CCDC14: variants seen among roughly 807,000 people sequenced by gnomAD.
The protein encoded by CCDC14 is coiled-coil domain-containing protein 14.
In CCDC14, 71 loss-of-function variants were observed where a neutral mutation model predicts 81.4. That is an observed-to-expected ratio of 0.87 (90% CI 0.72 to 1.06). CCDC14 has a LOEUF of 1.06. Among genes scored for constraint, CCDC14 ranks in the 50% least tolerant of loss-of-function variants. The pLI is 0.00. For missense variants in CCDC14, 1,046 were observed against 1,047.3 expected, an observed-to-expected ratio of 1.00 and a Z score of 0.02; for synonymous variants, 332 against 364.8, an observed-to-expected ratio of 0.91 and a Z score of 1.03.
Position 123,949,018 on chromosome 3 carries a change from G to A in CCDC14, c.467C>T (p.Pro156Leu), listed in dbSNP as rs758179204. The A allele has an allele frequency of 6.2e-7, 1 of 1,613,684 alleles. No homozygotes were observed. The highest frequency in any genetic ancestry group is 1.1e-5 in the South Asian group (1 of 91,016). ...CTCACAGAGGGCTTGGTATATTATGGGTGAATACATTCTATAATGATCTTG... is the reference window on the plus strand; with the variant it reads ...CTCACAGAGGGCTTGGTATATTATGAGTGAATACATTCTATAATGATCTTG... ...SLQDHYRMYS[P>L]IIYQALCEHV... The change falls in exon 6 of 13, where the codon CCC becomes CTC. Residue 156 changes from proline (P) to leucine (L), a missense_variant. Transcript: ENST00000409697.
intron 5 of CCDC14, among the ~76,000 whole-genome samples, chr3:123,950,805 A>C (rs2036970409): frequency 1.3e-5 from 2 of 152,202 alleles, no homozygotes; most frequent in African/African-American, 4.8e-5. Context: ...TAAAAAACAA[A>C]ATAATTAAAA....
At position 123,933,775 on chromosome 3, in the gene CCDC14, C is replaced by T; in HGVS notation, c.1344-20G>A. 2 of 1,525,222 alleles carry T rather than the reference C, an allele frequency of 1.3e-6. No individual in the cohort carries two copies. The highest frequency in any genetic ancestry group is 2.4e-5 in the East Asian group (1 of 41,820). The allele number at this position is 1,525,222 out of a possible 1,614,324, so 94.5% of individuals were successfully genotyped here. A position where few individuals can be genotyped will look rare whatever the true frequency, so the allele number is the denominator to read the frequency against. ...AACTGCCTAAAGAAATAATGAAGAA[C>T]TATGAATGCAAGCATACCAAGCCAA... On this transcript the variant is annotated intron_variant, in intron 9 of 12. Transcript: ENST00000409697.
At chr3:123,960,236 T>G (rs1194760339) in intron 1 of CCDC14, among the ~76,000 whole-genome samples, 5 of 152,238 alleles carry the variant, frequency 3.3e-5, no homozygotes, top group Non-Finnish European at 5.9e-5. Context: ...TACCAACAAG[T>G]ACAAGATAAT....
intron 5 of CCDC14, among the ~76,000 whole-genome samples, chr3:123,950,591 T>C (rs962868304): frequency 6.6e-6 from 1 of 151,964 alleles, no homozygotes; most frequent in Non-Finnish European, 1.5e-5. Context: ...AAGTCACAAA[T>C]GGAAACAGAT....
rs2036641119 is a variant in CCDC14 at position 123,946,691 on chromosome 3, A to G, written c.1201+112T>C. 25 of 1,101,420 alleles carry G rather than the reference A, an allele frequency of 2.3e-5. No individual in the cohort carries two copies. The South Asian group carries it at 4.2e-4, about 18-fold the overall frequency. 68.2% of individuals were successfully genotyped at this position (1,101,420 alleles called of 1,614,324 possible). A position where few individuals can be genotyped will look rare whatever the true frequency, so the allele number is the denominator to read the frequency against. On this transcript the variant is annotated intron_variant, in intron 8 of 12. Coordinates refer to ENST00000409697, the MANE Select transcript of CCDC14 (RefSeq NM_001366335.1). The stretch of plus-strand genomic sequence containing the variant: ...GTAGAACTCATTTTCTTATTAGCTC[A>G]AAACACAGTTCTATGGAAAATACCA...
chr3:123,958,351 T>TA (rs2037469239), intron 1 of CCDC14: 2 of 152,074 alleles, frequency 1.3e-5, no homozygotes, highest in African/African-American at 4.8e-5. Context: ...ACATATGGTG[T>TA]TTCTCCAAAA....
intron 5 of CCDC14, among the ~76,000 whole-genome samples, chr3:123,905,925 C>A (rs7636648): frequency 0.45 from 68,124 of 151,992 alleles, 18,123 homozygotes; most frequent in Non-Finnish European, 0.62. Context: ...GAAGCAGGAA[C>A]AAGCAATTAT....
chr3:123,918,148 C>G (rs2034818959), intron 12 of CCDC14, among the ~76,000 whole-genome samples: 1 of 152,102 alleles, frequency 6.6e-6, no homozygotes, highest in Non-Finnish European at 1.5e-5. Flanking sequence ...AAAAAGAAAT[C>G]TCTATACTAA....
At chr3:123,886,174 G>T in the CCDC14 span, among the ~76,000 whole-genome samples, 1 of 149,098 alleles carries the variant, frequency 6.7e-6, no homozygotes, top group Non-Finnish European at 1.5e-5. Context: ...TCTCTCACTA[G>T]TGTGCAAAGA....
downstream of CCDC14, among the ~76,000 whole-genome samples, chr3:123,894,324 C>T (rs780546364): frequency 1.3e-5 from 2 of 152,160 alleles, no homozygotes; most frequent in African/African-American, 4.8e-5. Flanking sequence ...TATGTCTGTG[C>T]TTATGCCAGT....
At chr3:123,892,601 C>T (rs1242045089), downstream of CCDC14, among the ~76,000 whole-genome samples, 1 of 152,110 alleles carries the variant, frequency 6.6e-6, no homozygotes, top group East Asian at 1.9e-4. Context: ...TATGGTCAGG[C>T]TGCAAATTTT....
the CCDC14 span, among the ~76,000 whole-genome samples, chr3:123,889,506 C>G: frequency 6.6e-6 from 1 of 152,222 alleles, no homozygotes; most frequent in Admixed American, 6.5e-5. Context: ...TCTTAAAGCT[C>G]TAAAATAATC....
Position 123,914,681 on chromosome 3 carries a change from T to A in CCDC14, c.*98A>T. ...CTTGTACAATATATTACTTCACACA[T>A]AATAACATAAAACATCATTTCACTA... On this transcript the variant is annotated 3_prime_UTR_variant, in exon 13 of 13. Coordinates refer to ENST00000409697, the MANE Select transcript of CCDC14 (RefSeq NM_001366335.1). 6.9e-7 allele frequency: 1 copy of A among 1,439,718 alleles called. No homozygotes were observed. Among genetic ancestry groups the A allele is most frequent in the South Asian group, 1.6e-5 (1 of 64,368 alleles). The allele number at this position is 1,439,718 out of a possible 1,614,324, so 89.2% of individuals were successfully genotyped here.
At chr3:123,893,414 T>A (rs967301433), downstream of CCDC14, among the ~76,000 whole-genome samples, 2 of 152,244 alleles carry the variant, frequency 1.3e-5, no homozygotes, top group Non-Finnish European at 2.9e-5. Context: ...AAACTTCATT[T>A]TTTTATAGCT....
intron 12 of CCDC14, among the ~76,000 whole-genome samples, chr3:123,930,027 C>T (rs1167268100): frequency 6.6e-6 from 1 of 152,048 alleles, no homozygotes; most frequent in Non-Finnish European, 1.5e-5. Context: ...TGGTATAAGC[C>T]AATATTCAGA....
chr3:123,936,171 C>T (rs1394311085), intron 9 of CCDC14, among the ~76,000 whole-genome samples: 1 of 152,110 alleles, frequency 6.6e-6, no homozygotes, highest in Non-Finnish European at 1.5e-5. Context: ...TACTTTCATT[C>T]CTCTCATTCC....
chr3:123,938,365 TA>T (rs1432744561), intron 9 of CCDC14, among the ~76,000 whole-genome samples: 1 of 151,988 alleles, frequency 6.6e-6, no homozygotes, highest in Non-Finnish European at 1.5e-5. Context: ...AAATTGTTCA[TA>T]TTTTTTTGAT....
chr3:123,947,142 G>A lies in CCDC14; in HGVS notation c.862C>T (p.Leu288=), dbSNP rs191454890. 58 of 1,613,910 alleles carry A rather than the reference G, an allele frequency of 3.6e-5. No homozygotes were observed. The highest frequency in any genetic ancestry group is 4.7e-5 in the Non-Finnish European group (56 of 1,179,852). The change falls in exon 8 of 13, where the codon CTG becomes TTG. Residue 288 remains leucine (L), a synonymous_variant. Transcript: ENST00000409697. ...TCCTTATGAATTCCTTGTTGTGGCA[G>A]AATTCCATTAACAAGGCCCAGTTGC... ...LQQLGLVNGI[L]PQQGIHKETD...
At chr3:123,890,385 C>T in the CCDC14 span, among the ~76,000 whole-genome samples, 2 of 152,224 alleles carry the variant, frequency 1.3e-5, no homozygotes, top group African/African-American at 4.8e-5. Flanking sequence ...TCCAAAGTCT[C>T]ATCTGAGACA....
Sources: allele counts gnomAD v4.1 joint callset (sites outside exome capture counted in the v4.1 genomes callset), GRCh38; gene constraint gnomAD v4.1.1; transcripts MANE v1.5; gene names NCBI Gene and HGNC (gene_info 2026-07-23, HGNC 2026-07-21).